The following LARP6 variants were observed in gnomAD, a reference collection of about 807,000 sequenced individuals.
The protein encoded by LARP6 is la-related protein 6.
A neutral mutation model predicts 32.8 loss-of-function variants in LARP6; 18 were observed. The ratio of observed to expected loss-of-function variants is 0.55; its 90% CI spans 0.38 to 0.81. The LOEUF is 0.81. LARP6 is among the 40% of genes least tolerant of loss of function. The pLI is 0.00. For synonymous variants in LARP6, 289 were observed against 267.2 expected (o/e 1.08, Z -0.80); for missense variants, 598 against 663.1 (o/e 0.90, Z 1.08).
At chr15:70,848,340 G>C (rs930488749) in intron 1 of LARP6, among the ~76,000 whole-genome samples, 1 of 152,160 alleles carries the variant, frequency 6.6e-6, no homozygotes, top group African/African-American at 2.4e-5. Flanking sequence ...TACAACTAGT[G>C]GATGTCTCCA....
chr15:70,836,409 C>T lies in LARP6; in HGVS notation c.297G>A (p.Gln99=). The T allele has an allele frequency of 6.2e-7, 1 of 1,614,124 alleles. No individual in the cohort carries two copies. The highest frequency in any genetic ancestry group is 8.5e-7 in the Non-Finnish European group (1 of 1,179,998). ...DEELIKKLVD[Q]IEFYFSDENL... ...TTTCATCAGAAAAGTAGAATTCGAT[C>T]TGATCCACCAGTTTCTTGATCAACT... Residue 99 remains glutamine, a synonymous_variant, in exon 2 of 3, where the codon CAG becomes CAA. Coordinates refer to ENST00000299213, the MANE Select transcript of LARP6 (RefSeq NM_018357.4).
intron 1 of LARP6, among the ~76,000 whole-genome samples, chr15:70,848,238 T>C (rs2032382585): frequency 6.6e-6 from 1 of 152,210 alleles, no homozygotes; most frequent in Non-Finnish European, 1.5e-5. Flanking sequence ...CATGGGTTCT[T>C]ATATATTTAT....
intron 1 of LARP6, among the ~76,000 whole-genome samples, chr15:70,848,529 C>T (rs2032387816): frequency 6.6e-6 from 1 of 152,010 alleles, no homozygotes; most frequent in South Asian, 2.1e-4. Flanking sequence ...GTCAGGAGTT[C>T]GAGACTAGCC....
In LARP6 at chr15:70,833,096, G is replaced by T; in HGVS notation, c.432C>A (p.Asp144Glu). The T allele has an allele frequency of 6.2e-7, 1 of 1,614,038 alleles. No homozygotes were observed. Among genetic ancestry groups the T allele is most frequent in the Non-Finnish European group, 8.5e-7 (1 of 1,179,932 alleles). ...TCAAAGCATGTGCTGTGGTTCTCCA[G>T]TCCCGTGTAAGATGTTTCACCTGCA... Reference protein sequence around the residue: ...SFKKVKHLTRDWRTTAHALKY... With the variant: ...SFKKVKHLTREWRTTAHALKY... The change falls in exon 3 of 3, where the codon GAC becomes GAA. Residue 144 changes from aspartate (D) to glutamate (E), a missense_variant. Asp to Glu is a conservative substitution (Grantham distance 45). This residue lies in a region of LARP6 where 69 missense variants were observed against 116.7 expected (regional missense o/e 0.59). Coordinates refer to ENST00000299213, the MANE Select transcript of LARP6 (RefSeq NM_018357.4).
Position 70,854,014 on chromosome 15 carries a change from G to T in LARP6, c.75C>A (p.Ala25=), listed in dbSNP as rs560760507. 1 of 1,458,200 alleles carries T rather than the reference G, an allele frequency of 6.9e-7. No individual in the cohort carries two copies. Among genetic ancestry groups the T allele is most frequent in the South Asian group, 1.3e-5 (1 of 74,892 alleles). The allele number at this position is 1,458,200 out of a possible 1,614,324, so 90.3% of individuals were successfully genotyped here. ...CGTCCTCCAACTCGTCCACGTCCTC[G>T]GCCTCCTGGATGGCGACGCGGATCT... ...AVQIRVAIQE[A]EDVDELEDEE... Residue 25 remains alanine, a synonymous_variant, in exon 1 of 3, where the codon GCC becomes GCA. Coordinates refer to ENST00000299213, the MANE Select transcript of LARP6 (RefSeq NM_018357.4).
In LARP6 at chr15:70,832,107, C is replaced by A; in HGVS notation, c.1421G>T (p.Gly474Val). Residue 474 changes from glycine to valine, a missense_variant, in exon 3 of 3, where the codon GGT (glycine) becomes GTT (valine). Physicochemically the swap from Gly to Val is moderately radical, Grantham distance 109. Around this residue, in one of 3 missense-constraint regions of LARP6, gnomAD observed 368 missense variants for 397.9 expected, o/e 0.92. Transcript: ENST00000299213. Reference protein sequence around the residue: ...LPVGVLRLPRGPDNTRGFHGH... With the variant: ...LPVGVLRLPRVPDNTRGFHGH... Reference sequence around the variant, plus strand: ...ATGAAATCCTCTGGTGTTGTCAGGACCCCTGGGCAACCTCAGCACCCCTAC... The same window carrying A: ...ATGAAATCCTCTGGTGTTGTCAGGAACCCTGGGCAACCTCAGCACCCCTAC... 1 of 1,580,088 alleles carries A rather than the reference C, an allele frequency of 6.3e-7. No individual in the cohort carries two copies. The highest frequency in any genetic ancestry group is 1.2e-5 in the South Asian group (1 of 84,748).
intron 1 of LARP6, among the ~76,000 whole-genome samples, chr15:70,836,827 G>C (rs1348786396): frequency 1.3e-5 from 2 of 152,158 alleles, no homozygotes; most frequent in Non-Finnish European, 2.9e-5. Context: ...CAGAAGCGAG[G>C]AAAGATGCTT....
At chr15:70,848,213 T>C (rs917506901) in intron 1 of LARP6, among the ~76,000 whole-genome samples, 7 of 152,228 alleles carry the variant, frequency 4.6e-5, no homozygotes, top group Non-Finnish European at 7.3e-5. Context: ...GGGCACATGT[T>C]ATGCTTGCGT....
intron 1 of LARP6, among the ~76,000 whole-genome samples, chr15:70,839,707 C>G (rs1031339245): frequency 1.3e-5 from 2 of 152,066 alleles, no homozygotes; most frequent in African/African-American, 4.8e-5. Flanking sequence ...CTCAGCCTCC[C>G]GAGTAGATGG....
At chr15:70,837,867 T>C (rs571794220) in intron 1 of LARP6, among the ~76,000 whole-genome samples, 56 of 152,310 alleles carry the variant, frequency 3.7e-4, no homozygotes, top group African/African-American at 1.3e-3. Context: ...TTATCCAAAA[T>C]GCCTGGGACC....
intron 1 of LARP6, among the ~76,000 whole-genome samples, chr15:70,839,411 G>A (rs536327242): frequency 1.3e-5 from 2 of 148,298 alleles, no homozygotes; most frequent in Admixed American, 6.8e-5. Context: ...CTGCCCTCCA[G>A]TCTGGGTGAC....
Position 70,829,375 on chromosome 15 carries a change from A to C in LARP6, c.*2677T>G, listed in dbSNP as rs926916500. ...AGGATAGTCTCAATCTCCTGACCTC[A>C]TGATCTGCCCGCCTCAGTCTCCTGA... On this transcript the variant is annotated 3_prime_UTR_variant, in exon 3 of 3. Coordinates refer to ENST00000299213, the MANE Select transcript of LARP6 (RefSeq NM_018357.4). 1 of 152,154 alleles carries C rather than the reference A, an allele frequency of 6.6e-6. No individual in the cohort carries two copies. The highest frequency in any genetic ancestry group is 2.4e-5 in the African/African-American group (1 of 41,372). 9.4% of individuals were successfully genotyped at this position (152,154 alleles called of 1,614,324 possible).
chr15:70,849,887 G>A (rs1323932704), intron 1 of LARP6: 1 of 152,006 alleles, frequency 6.6e-6, no homozygotes, highest in East Asian at 1.9e-4. Context: ...GCCTCTTTAG[G>A]AGAAACTTTT....
rs559343183 is a variant in LARP6, at chr15:70,837,448, C to A, written c.201-943G>T. 4.6e-5 allele frequency among the ~76,000 whole-genome samples: 7 copies of A among 152,302 alleles called. No homozygotes were observed. The East Asian group carries it at 1.4e-3, about 29-fold the overall frequency. On this transcript the variant is annotated intron_variant, in intron 1 of 2. Coordinates refer to ENST00000299213, the MANE Select transcript of LARP6 (RefSeq NM_018357.4). ...CTGACATATATGTGGCGCTCTGCCACGGGCAAAATGCTTTTCACATATACT... is the reference window on the plus strand; with the variant it reads ...CTGACATATATGTGGCGCTCTGCCAAGGGCAAAATGCTTTTCACATATACT...
chr15:70,848,768 A>G (rs1201236130), intron 1 of LARP6: 1 of 152,110 alleles, frequency 6.6e-6, no homozygotes, highest in African/African-American at 2.4e-5. Context: ...ATCACCATCC[A>G]AAGCAGGGAA....
intron 1 of LARP6, among the ~76,000 whole-genome samples, chr15:70,847,481 C>G (rs11635210): frequency 6.6e-5 from 10 of 151,574 alleles, no homozygotes; most frequent in African/African-American, 2.4e-4. Context: ...GCGATTCTCC[C>G]GCCTCAGCCT....
In LARP6 at chr15:70,854,151, A is replaced by T; in HGVS notation, c.-63T>A. 1 of 1,164,288 alleles carries T rather than the reference A, an allele frequency of 8.6e-7. No homozygotes were observed. Among genetic ancestry groups the T allele is most frequent in the Non-Finnish European group, 1.1e-6 (1 of 934,086 alleles). The allele number at this position is 1,164,288 out of a possible 1,614,324, so 72.1% of individuals were successfully genotyped here. A position where few individuals can be genotyped will look rare whatever the true frequency, so the allele number is the denominator to read the frequency against. On this transcript the variant is annotated 5_prime_UTR_variant, in exon 1 of 3. Transcript: ENST00000299213. ...CGCAAGGCCCAGCCAGCCGGTCGGC[A>T]GCGACTGCGACGAGGGGGCGGGGGC...
intron 1 of LARP6, chr15:70,851,750 A>T: frequency 1.9e-6 from 3 of 1,613,902 alleles, no homozygotes; most frequent in Non-Finnish European, 2.5e-6. Flanking sequence ...ATAGAATCAC[A>T]ATTGTGGAAG....
chr15:70,836,334 C>T lies in LARP6; in HGVS notation c.372G>A (p.Leu124=). The part of the protein sequence containing the change: ...FLLKHVRRNK[L]GYVSVKLLTS... ...TGAGTAGCTTAACGCTCACATATCC[C>T]AGCTTGTTCCTCCTCACGTGTTTTA... The change falls in exon 2 of 3, where the codon CTG becomes CTA. Residue 124 remains leucine, a synonymous_variant. Coordinates refer to ENST00000299213, the MANE Select transcript of LARP6 (RefSeq NM_018357.4). 1 of 1,614,168 alleles carries T rather than the reference C, an allele frequency of 6.2e-7. No homozygotes were observed.
Sources: allele counts gnomAD v4.1 joint callset (sites outside exome capture counted in the v4.1 genomes callset), GRCh38; gene constraint gnomAD v4.1.1; regional missense constraint gnomAD v4.1.1; transcripts MANE v1.5; gene names NCBI Gene and HGNC (gene_info 2026-07-23, HGNC 2026-07-21).